The following CTNNA3 variants were observed in gnomAD, a reference collection of about 807,000 sequenced individuals.
CTNNA3 encodes catenin alpha-3.
CTNNA3 carries 76 observed loss-of-function variants against 95.7 expected under a neutral mutation model. The ratio of observed to expected loss-of-function variants is 0.79; its 90% CI spans 0.66 to 0.96. CTNNA3 has a LOEUF of 0.96. CTNNA3 is among the 40% of genes least tolerant of loss of function. The pLI is 0.00. For missense variants in CTNNA3, 1,191 were observed against 1,089.8 expected (o/e 1.09, Z -1.31); for synonymous variants, 431 against 374.4 (o/e 1.15, Z -1.74).
intron 5 of CTNNA3, among the ~76,000 whole-genome samples, chr10:67,470,616 G>C (rs1012372382): frequency 6.6e-6 from 1 of 151,486 alleles, no homozygotes; most frequent in South Asian, 2.1e-4. Flanking sequence ...CAACAGACTA[G>C]AATTTGTGTT....
At chr10:67,748,114 C>T (rs1841383182) in intron 1 of CTNNA3, among the ~76,000 whole-genome samples, 1 of 152,058 alleles carries the variant, frequency 6.6e-6, no homozygotes, top group African/African-American at 2.4e-5. Context: ...ATAAAAAGAT[C>T]GAACCTATGA....
intron 13 of CTNNA3, among the ~76,000 whole-genome samples, chr10:66,230,989 G>A (rs1478291499): frequency 2.0e-5 from 3 of 152,142 alleles, no homozygotes; most frequent in Non-Finnish European, 2.9e-5. Context: ...TGGGCCCCAG[G>A]GAAGAATAAA....
chr10:67,516,480 C>A (rs1474777283), intron 5 of CTNNA3, among the ~76,000 whole-genome samples: 2 of 152,112 alleles, frequency 1.3e-5, no homozygotes, highest in African/African-American at 4.8e-5. Flanking sequence ...TTGTTGTATC[C>A]TCAGAGTTCT....
chr10:66,396,314 T>A (rs1303388782), intron 11 of CTNNA3, among the ~76,000 whole-genome samples: 2 of 152,022 alleles, frequency 1.3e-5, no homozygotes, highest in African/African-American at 4.8e-5. Flanking sequence ...ATACTAAAAT[T>A]CCCTTTTAGT....
chr10:67,692,064 A>G (rs1840872534), intron 1 of CTNNA3, among the ~76,000 whole-genome samples: 2 of 122,894 alleles, frequency 1.6e-5, no homozygotes, highest in Non-Finnish European at 1.7e-5. Context: ...TCCGGGAGGG[A>G]GGTGGGGGGG....
chr10:67,524,395 CAAAAAAAA>C (rs200850487), intron 4 of CTNNA3, among the ~76,000 whole-genome samples: 16,001 of 70,420 alleles, frequency 0.23, 1,006 homozygotes, highest in South Asian at 0.35. Flanking sequence ...GACTCTGTCT[CAAAAAAAA>C]AAAAAAAAAA....
intron 5 of CTNNA3, among the ~76,000 whole-genome samples, chr10:67,513,398 A>T (rs1244980370): frequency 6.6e-6 from 1 of 152,218 alleles, no homozygotes; most frequent in Non-Finnish European, 1.5e-5. Flanking sequence ...CACTCAAAGA[A>T]GTTCACTCCT....
At chr10:67,373,494 A>C (rs974566707) in intron 5 of CTNNA3, among the ~76,000 whole-genome samples, 2 of 152,234 alleles carry the variant, frequency 1.3e-5, no homozygotes, top group Admixed American at 1.3e-4. Flanking sequence ...GGAGACGTAC[A>C]AAGAGACTTA....
chr10:67,206,551 G>A (rs1159294230), intron 6 of CTNNA3, among the ~76,000 whole-genome samples: 2 of 151,656 alleles, frequency 1.3e-5, no homozygotes, highest in Non-Finnish European at 2.9e-5. Context: ...GGGAAATTGT[G>A]GAAGAAGAAG....
At chr10:65,924,153 C>T (rs1313157004) in intron 17 of CTNNA3, among the ~76,000 whole-genome samples, 1 of 152,106 alleles carries the variant, frequency 6.6e-6, no homozygotes, top group African/African-American at 2.4e-5. Flanking sequence ...AATATTACAG[C>T]CCTAATTAAA....
At chr10:67,496,287 G>T (rs887727202) in intron 5 of CTNNA3, among the ~76,000 whole-genome samples, 3 of 152,104 alleles carry the variant, frequency 2.0e-5, no homozygotes, top group Non-Finnish European at 2.9e-5. Flanking sequence ...TCACACACTG[G>T]TGGGGGTTGT....
At chr10:66,146,834 G>A (rs1468153313) in intron 13 of CTNNA3, among the ~76,000 whole-genome samples, 1 of 152,144 alleles carries the variant, frequency 6.6e-6, no homozygotes, top group Non-Finnish European at 1.5e-5. Flanking sequence ...TGGGATTACA[G>A]GCATGAGCCA....
At chr10:67,024,797 T>C (rs1309928754) in intron 7 of CTNNA3, among the ~76,000 whole-genome samples, 1 of 152,100 alleles carries the variant, frequency 6.6e-6, no homozygotes, top group Non-Finnish European at 1.5e-5. Flanking sequence ...TTTAACTTGC[T>C]CAAAAGTTAT....
rs370605983 is a variant in CTNNA3 at position 65,960,575 on chromosome 10, G to T, written c.2400+6037C>A. The stretch of plus-strand genomic sequence containing the variant: ...GTACATGTGCAGTTTTGTTACAAGG[G>T]TATATAGCATGATGCTGAGGTCTGG... On this transcript the variant is annotated intron_variant, in intron 17 of 17. Transcript: ENST00000433211. Among the ~76,000 whole-genome samples, 8 of 152,232 alleles carry T rather than the reference G, an allele frequency of 5.3e-5. No individual in the cohort carries two copies. In the South Asian group the frequency reaches 1.5e-3, roughly 28 times the overall value.
intron 12 of CTNNA3, among the ~76,000 whole-genome samples, chr10:66,308,004 T>C (rs2091955747): frequency 6.6e-6 from 1 of 152,234 alleles, no homozygotes; most frequent in African/African-American, 2.4e-5. Flanking sequence ...ACTGCCACCC[T>C]AATTTGCAAG....
chr10:66,251,748 T>G (rs961231587), intron 13 of CTNNA3, among the ~76,000 whole-genome samples: 1 of 152,210 alleles, frequency 6.6e-6, no homozygotes, highest in Non-Finnish European at 1.5e-5. Context: ...GCTCAGAAAT[T>G]AGAAATATCA....
chr10:66,119,605 G>A lies in CTNNA3; in HGVS notation c.1885-16356C>T, dbSNP rs181100823. ...TAAAGCTTTTTTAGGCTTTAACTAT[G>A]GATTATTTGTATAATGAAAAAATAA... is the stretch of plus-strand genomic sequence containing the variant. On this transcript the variant is annotated intron_variant, in intron 13 of 17. Coordinates refer to ENST00000433211, the MANE Select transcript of CTNNA3 (RefSeq NM_013266.4). Among the ~76,000 whole-genome samples the A allele has an allele frequency of 2.6e-5, 4 of 152,074 alleles. No individual in the cohort carries two copies. The East Asian group carries it at 5.8e-4, about 22-fold the overall frequency.
intron 5 of CTNNA3, among the ~76,000 whole-genome samples, chr10:67,480,428 G>C (rs1042947776): frequency 1.3e-5 from 2 of 152,216 alleles, no homozygotes; most frequent in South Asian, 4.1e-4. Context: ...GCAGCCCTGT[G>C]ACTGCAGAGA....
At chr10:66,745,519 A>C (rs895036309) in intron 9 of CTNNA3, among the ~76,000 whole-genome samples, 3 of 151,994 alleles carry the variant, frequency 2.0e-5, no homozygotes, top group African/African-American at 7.3e-5. Flanking sequence ...TAAATCATTT[A>C]ATTAATTGTA....
Sources: gnomAD v4.1 joint callset for allele counts (sites outside exome capture counted in the v4.1 genomes callset) on GRCh38, gnomAD v4.1.1 for gene constraint, MANE v1.5 for transcripts, NCBI Gene and HGNC (gene_info 2026-07-23, HGNC 2026-07-21) for gene names.